IRS2: variants seen among roughly 807,000 people sequenced by gnomAD.
IRS2 encodes the protein insulin receptor substrate 2.
A neutral mutation model predicts 70.9 loss-of-function variants in IRS2; 28 were observed. The observed-to-expected ratio is 0.39, with a 90% CI of 0.29 to 0.54. IRS2 has a LOEUF of 0.54. IRS2 is among the 20% of genes least tolerant of loss of function. The pLI, the probability that IRS2 is intolerant of heterozygous loss-of-function variation, is 0.59. For missense variants in IRS2, 2,081 were observed against 2,024.1 expected (o/e 1.03, Z -0.54); for synonymous variants, 1,217 against 981.9 (o/e 1.24, Z -4.48).
At position 109,785,609 on chromosome 13, in the gene IRS2, C is replaced by A. The variant is rs1238451521; in HGVS notation, c.445G>T (p.Ala149Ser). 1 of 1,374,326 alleles carries A rather than the reference C, an allele frequency of 7.3e-7. No individual in the cohort carries two copies. The highest frequency in any genetic ancestry group is 9.4e-7 in the Non-Finnish European group (1 of 1,058,682). 85.1% of individuals were successfully genotyped at this position (1,374,326 alleles called of 1,614,324 possible). ...GCGGCGGGGGGCGCGTCTCCGGCGG[C>A]CGCGCGGCCCTCGCTGACCAGGTCG... The part of the protein sequence containing the change: ...LTDLVSEGRA[A>S]AGDAPPAAAP... The change falls in exon 1 of 2, where the codon GCC becomes TCC. Residue 149 changes from alanine (A) to serine (S), a missense_variant. Around this residue, in one of 4 missense-constraint regions of IRS2, gnomAD observed 320 missense variants for 352.9 expected, o/e 0.91. Transcript: ENST00000375856. This position sits in a 1 kb window ranked among gnomAD's most constrained non-coding sequence, Gnocchi z 9.3.
chr13:109,763,808 T>C (rs1877277930), intron 1 of IRS2, among the ~76,000 whole-genome samples: 1 of 152,234 alleles, frequency 6.6e-6, no homozygotes, highest in Non-Finnish European at 1.5e-5. Flanking sequence ...CTAATTATAT[T>C]TTTGCTGCCA....
chr13:109,786,108 G>A lies in IRS2; in HGVS notation c.-55C>T, dbSNP rs1208555283. On this transcript the variant is annotated 5_prime_UTR_variant, in exon 1 of 2. Transcript: ENST00000375856. The surrounding 1 kb of genome is among the most constrained non-coding windows in gnomAD (Gnocchi z 4.4). ...CCCGGCGCCCAGGGGTTGGGGCGAG[G>A]GGCGGAGGGGGCGCGGGCGGGGGCG... 40 of 961,984 alleles carry A rather than the reference G, an allele frequency of 4.2e-5. No homozygotes were observed. Among genetic ancestry groups the A allele is most frequent in the Non-Finnish European group, 4.8e-5 (39 of 809,962 alleles). The allele number at this position is 961,984 out of a possible 1,614,324, so 59.6% of individuals were successfully genotyped here.
chr13:109,763,462 T>G (rs1877270547), intron 1 of IRS2, among the ~76,000 whole-genome samples: 1 of 152,220 alleles, frequency 6.6e-6, no homozygotes, highest in African/African-American at 2.4e-5. Flanking sequence ...ACAAAAGTGC[T>G]CAATAAATCT....
At position 109,783,888 on chromosome 13, in the gene IRS2, C is replaced by T. The variant is rs1159686114; in HGVS notation, c.2166G>A (p.Ala722=). ...PTSAAGRTFP[A]SGGGYKASSP... ...AGCTGGCCTTGTAGCCGCCCCCGCT[C>T]GCCGGGAATGTCCTGCCCGCCGCAG... Residue 722 remains alanine, a synonymous_variant, in exon 1 of 2, where the codon GCG becomes GCA. Coordinates refer to ENST00000375856, the MANE Select transcript of IRS2 (RefSeq NM_003749.3). The T allele has an allele frequency of 1.3e-6, 2 of 1,547,942 alleles. No individual in the cohort carries two copies. The highest frequency in any genetic ancestry group is 1.7e-6 in the Non-Finnish European group (2 of 1,146,846).
At chr13:109,767,140 TC>T (rs1175148154) in intron 1 of IRS2, among the ~76,000 whole-genome samples, 2 of 151,890 alleles carry the variant, frequency 1.3e-5, no homozygotes, top group African/African-American at 4.8e-5. Context: ...TCCTGGAGGG[TC>T]CAGCAGGGTG....
In IRS2 at chr13:109,763,472, T is replaced by C. The variant is rs572252668; in HGVS notation, c.4013-7164A>G. ...ATAACACAAAAGTGCTCAATAAATCTAATCATTGCTAAATACATCCTACAC... is the reference window on the plus strand; with the variant it reads ...ATAACACAAAAGTGCTCAATAAATCCAATCATTGCTAAATACATCCTACAC... On this transcript the variant is annotated intron_variant, in intron 1 of 1. Coordinates refer to ENST00000375856, the MANE Select transcript of IRS2 (RefSeq NM_003749.3). Among the ~76,000 whole-genome samples the C allele has an allele frequency of 9.2e-5, 14 of 152,368 alleles. No homozygotes were observed. The South Asian group carries it at 2.9e-3, about 32-fold the overall frequency.
At chr13:109,768,782 A>G (rs542812670) in intron 1 of IRS2, among the ~76,000 whole-genome samples, 1 of 152,150 alleles carries the variant, frequency 6.6e-6, no homozygotes, top group South Asian at 2.1e-4. Context: ...CAGGCTTGCC[A>G]GGACCACATC....
rs199910352 is a variant in IRS2, at chr13:109,772,180, C to T, written c.4012+9862G>A. Reference sequence around the variant, plus strand: ...TCGGGGGCGGCTTCTGCCGCAGACCCGGGAATTCACGTGGTCAGATGGTCC... The same window carrying T: ...TCGGGGGCGGCTTCTGCCGCAGACCTGGGAATTCACGTGGTCAGATGGTCC... On this transcript the variant is annotated intron_variant, in intron 1 of 1. Transcript: ENST00000375856. Among the ~76,000 whole-genome samples the T allele has an allele frequency of 5.3e-5, 8 of 152,296 alleles. No homozygotes were observed. In the East Asian group the frequency reaches 1.6e-3, roughly 30 times the overall value.
Position 109,783,635 on chromosome 13 carries a change from G to C in IRS2, c.2419C>G (p.Pro807Ala). 1 of 1,551,550 alleles carries C rather than the reference G, an allele frequency of 6.4e-7. No homozygotes were observed. The highest frequency in any genetic ancestry group is 8.7e-7 in the Non-Finnish European group (1 of 1,146,800). Residue 807 changes from proline to alanine, a missense_variant, in exon 1 of 2, where the codon CCC (proline) becomes GCC (alanine). Physicochemically the swap from Pro to Ala is conservative, Grantham distance 27. Coordinates refer to ENST00000375856, the MANE Select transcript of IRS2 (RefSeq NM_003749.3). ...GTGTAGGGGGCCTTGTAGGAGCGGG[G>C]CAAGGAGCTGTAGCAGCAGCCGGGA... is the stretch of plus-strand genomic sequence containing the variant. ...GVPGCCYSSLPRSYKAPYTCG... is the reference protein window; with the variant it reads ...GVPGCCYSSLARSYKAPYTCG...
chr13:109,785,859 C>G lies in IRS2; in HGVS notation c.195G>C (p.Gly65=). ...CGAGCCGCGGCGGTTGCGGCGCCGA[C>G]CCCCCGCCCGCCGTCGCCTCGTCGC... The part of the protein sequence containing the change: ...AGGDEATAGG[G]SAPQPPRLEY... Residue 65 remains glycine, a synonymous_variant, in exon 1 of 2, where the codon GGG becomes GGC. Transcript: ENST00000375856. This position sits in a 1 kb window ranked among gnomAD's most constrained non-coding sequence, Gnocchi z 9.3. 1 of 1,512,780 alleles carries G rather than the reference C, an allele frequency of 6.6e-7. No individual in the cohort carries two copies. Among genetic ancestry groups the G allele is most frequent in the Non-Finnish European group, 8.8e-7 (1 of 1,135,166 alleles). 93.7% of individuals were successfully genotyped at this position (1,512,780 alleles called of 1,614,324 possible). A position where few individuals can be genotyped will look rare whatever the true frequency, so the allele number is the denominator to read the frequency against.
rs1262166340 is a variant in IRS2, at chr13:109,782,591, TGGA to T, written c.3460_3462del (p.Ser1154del). On this transcript the variant is annotated inframe_deletion, in exon 1 of 2. Transcript: ENST00000375856. ...GGGGACACGGGGGTGACCGTCGTGG[TGGA>T]GGAGAAGGTCTCGGAACTGTGGCGG... 2.5e-6 allele frequency: 4 copies of T among 1,577,536 alleles called. No individual in the cohort carries two copies. Among genetic ancestry groups the T allele is most frequent in the African/African-American group, 1.3e-5 (1 of 74,414 alleles).
In IRS2 at chr13:109,782,667, G is replaced by A. The variant is rs2138930360; in HGVS notation, c.3387C>T (p.Pro1129=). The change falls in exon 1 of 2, where the codon CCC becomes CCT. Residue 1129 remains proline, a synonymous_variant. Transcript: ENST00000375856. ...CGCGGATGACCTTGGCGCCGCGGTG[G>A]GGGTCCGGGGGCTGGCTGGCCTGCA... The part of the protein sequence containing the change: ...AFLQASQPPD[P]HRGAKVIRAD... 1 of 1,572,262 alleles carries A rather than the reference G, an allele frequency of 6.4e-7. No homozygotes were observed. The highest frequency in any genetic ancestry group is 8.6e-7 in the Non-Finnish European group (1 of 1,160,514).
At chr13:109,765,628 T>A (rs143930484) in intron 1 of IRS2, among the ~76,000 whole-genome samples, 4,088 of 13,300 alleles carry the variant, frequency 0.31, 301 homozygotes, top group Middle Eastern at 0.46. Flanking sequence ...CCCAGCCTCA[T>A]CCACCCTGAC....
In IRS2 at chr13:109,783,179, C is replaced by T. The variant is rs1038442385; in HGVS notation, c.2875G>A (p.Gly959Ser). ...CTGCTGGTGCCCGGGGTGCCTGAGC[C>T]CAGCGACGAGGCCGGGCTGCTGGCG... The part of the protein sequence containing the change: ...LSASSPASSL[G>S]SGTPGTSSDS... The change falls in exon 1 of 2, where the codon GGC (glycine) becomes AGC (serine). Residue 959 changes from glycine (G) to serine (S), a missense_variant. Physicochemically the swap from Gly to Ser is moderately conservative, Grantham distance 56. Around this residue, in one of 4 missense-constraint regions of IRS2, gnomAD observed 1,615 missense variants for 1,459.5 expected, o/e 1.11. Coordinates refer to ENST00000375856, the MANE Select transcript of IRS2 (RefSeq NM_003749.3). 3.6e-6 allele frequency: 5 copies of T among 1,384,622 alleles called. No individual in the cohort carries two copies. The African/African-American group carries it at 4.6e-5, about 13-fold the overall frequency. 85.8% of individuals were successfully genotyped at this position (1,384,622 alleles called of 1,614,324 possible). A position where few individuals can be genotyped will look rare whatever the true frequency, so the allele number is the denominator to read the frequency against.
chr13:109,783,447 G>A lies in IRS2; in HGVS notation c.2607C>T (p.Pro869=), dbSNP rs531803302. Residue 869 remains proline (P), a synonymous_variant, in exon 1 of 2, where the codon CCC becomes CCT. Coordinates refer to ENST00000375856, the MANE Select transcript of IRS2 (RefSeq NM_003749.3). ...CCGGGCGGCCGCCGCTAGGCCGCAC[G>A]GGCGAAGGCACTACAGGGTGAGGGG... ...TQPPHPVVPS[P]VRPSGGRPEG... 5.2e-6 allele frequency: 8 copies of A among 1,526,534 alleles called. No homozygotes were observed. In the Admixed American group the frequency reaches 6.2e-5, roughly 12 times the overall value. The allele number at this position is 1,526,534 out of a possible 1,614,324, so 94.6% of individuals were successfully genotyped here. A position where few individuals can be genotyped will look rare whatever the true frequency, so the allele number is the denominator to read the frequency against.
At chr13:109,760,280 T>C (rs1407173512) in intron 1 of IRS2, among the ~76,000 whole-genome samples, 7 of 152,152 alleles carry the variant, frequency 4.6e-5, no homozygotes, top group Admixed American at 3.9e-4. Context: ...AAGAAAACAA[T>C]AAGACTCACG....
intron 1 of IRS2, among the ~76,000 whole-genome samples, chr13:109,769,643 A>G (rs1877410438): frequency 6.6e-6 from 1 of 152,120 alleles, no homozygotes; most frequent in Non-Finnish European, 1.5e-5. Context: ...GTAGTGCTTC[A>G]TCTCCTAAAT....
intron 1 of IRS2, among the ~76,000 whole-genome samples, chr13:109,771,314 A>C (rs1255313527): frequency 6.6e-6 from 1 of 152,092 alleles, no homozygotes; most frequent in East Asian, 1.9e-4. Flanking sequence ...ATTAATATTT[A>C]ATTTTTTTCT....
Position 109,754,814 on chromosome 13 carries a change from ATATC to A in IRS2, c.*1486_*1489del, listed in dbSNP as rs1212383573. 5.2e-6 allele frequency: 1 copy of A among 191,768 alleles called. No individual in the cohort carries two copies. Among genetic ancestry groups the A allele is most frequent in the African/African-American group, 2.3e-5 (1 of 43,008 alleles). The allele number at this position is 191,768 out of a possible 1,614,324, so 11.9% of individuals were successfully genotyped here. ...TTAATGCATTATTCTATAGCGATAG[ATATC>A]TATTATATATTTATATATATTTTTC... On this transcript the variant is annotated 3_prime_UTR_variant, in exon 2 of 2. Coordinates refer to ENST00000375856, the MANE Select transcript of IRS2 (RefSeq NM_003749.3).
Sources: allele counts gnomAD v4.1 joint callset (sites outside exome capture counted in the v4.1 genomes callset), GRCh38; gene constraint gnomAD v4.1.1; regional missense constraint gnomAD v4.1.1; non-coding constraint Gnocchi (gnomAD v3.1); transcripts MANE v1.5; gene names NCBI Gene and HGNC (gene_info 2026-07-23, HGNC 2026-07-21).